Variants in NUP93 observed in about 807,000 individuals in gnomAD.
The protein encoded by NUP93 is nucleoporin 93.
In NUP93, 55 loss-of-function variants were observed where a neutral mutation model predicts 107.8. That is an observed-to-expected ratio of 0.51 (90% CI 0.41 to 0.64). NUP93 has a LOEUF of 0.64. Ranked by LOEUF, NUP93 falls within the 30% of genes least tolerant of loss-of-function variation. NUP93 has a pLI of 0.00. For synonymous variants in NUP93, 390 were observed against 397.5 expected (o/e 0.98, Z 0.22); for missense variants, 937 against 1,044.7 (o/e 0.90, Z 1.42).
chr16:56,734,884 C>T (rs1597098129), intron 1 of NUP93, among the ~76,000 whole-genome samples: 1 of 152,136 alleles, frequency 6.6e-6, no homozygotes, highest in South Asian at 2.1e-4. Flanking sequence ...CCTTCCTCCC[C>T]CTAACCCCTC....
At chr16:56,786,401 G>C (rs1434157618) in intron 3 of NUP93, among the ~76,000 whole-genome samples, 1 of 152,232 alleles carries the variant, frequency 6.6e-6, no homozygotes, top group Admixed American at 6.5e-5. Context: ...CTCCTAATCT[G>C]TGCTGCACTG....
At chr16:56,773,958 A>G (rs1214873327) in intron 3 of NUP93, among the ~76,000 whole-genome samples, 1 of 152,220 alleles carries the variant, frequency 6.6e-6, no homozygotes, top group African/African-American at 2.4e-5. Context: ...AATATAATAT[A>G]TGTTTAAAAC....
intron 21 of NUP93, 110 bp downstream of exon 21, chr16:56,841,943 A>G: frequency 7.6e-7 from 1 of 1,311,668 alleles, no homozygotes; most frequent in Non-Finnish European, 1.0e-6. Context: ...TCTCCTCAGT[A>G]CCTGGCAGCT....
intron 8 of NUP93, among the ~76,000 whole-genome samples, chr16:56,828,461 G>A (rs1963714576): frequency 6.6e-6 from 1 of 152,144 alleles, no homozygotes; most frequent in South Asian, 2.1e-4. Context: ...GGTATTTATG[G>A]ATAAAGTAGC....
chr16:56,762,923 G>A (rs1396359700), intron 3 of NUP93, among the ~76,000 whole-genome samples: 1 of 151,978 alleles, frequency 6.6e-6, no homozygotes, highest in Admixed American at 6.6e-5. Context: ...TGTCATATAA[G>A]GACACCAGTC....
chr16:56,810,724 C>T (rs946040036), intron 5 of NUP93, among the ~76,000 whole-genome samples: 9 of 151,400 alleles, frequency 5.9e-5, no homozygotes, highest in Non-Finnish European at 1.5e-5. Flanking sequence ...GGAAACAGAA[C>T]ATTACCAGCG....
intron 3 of NUP93, among the ~76,000 whole-genome samples, chr16:56,764,319 G>A (rs190162290): frequency 1.3e-5 from 2 of 151,960 alleles, no homozygotes; most frequent in Admixed American, 1.3e-4. Context: ...GGTGAAACCC[G>A]TCTCTACTAA....
At chr16:56,830,823 A>G (rs1463451606) in intron 10 of NUP93, 138 bp downstream of exon 10, 1 of 719,558 alleles carries the variant, frequency 1.4e-6, no homozygotes, top group Non-Finnish European at 2.1e-6. Context: ...TTGAAAGCAA[A>G]TAGAACTCTC....
At chr16:56,778,519 C>T (rs1041037160) in intron 3 of NUP93, among the ~76,000 whole-genome samples, 2 of 152,160 alleles carry the variant, frequency 1.3e-5, no homozygotes, top group South Asian at 4.1e-4. Flanking sequence ...TGTAGTAATA[C>T]AGCTTTGAGG....
At chr16:56,743,026 A>AG (rs1961764163) in intron 1 of NUP93, among the ~76,000 whole-genome samples, 1 of 152,244 alleles carries the variant, frequency 6.6e-6, no homozygotes. Flanking sequence ...AAAATCCTGA[A>AG]GGGGGCCACT....
intron 3 of NUP93, among the ~76,000 whole-genome samples, chr16:56,760,863 C>A (rs1481081590): frequency 6.6e-6 from 1 of 152,038 alleles, no homozygotes; most frequent in Non-Finnish European, 1.5e-5. Context: ...GCAGGAACAT[C>A]ACTTGAGTCC....
intron 19 of NUP93, 177 bp from the exon 20 acceptor site, chr16:56,839,344 G>A: frequency 2.3e-6 from 1 of 426,582 alleles, no homozygotes; most frequent in Non-Finnish European, 4.2e-6. Context: ...ATTGTGTCAG[G>A]AAATGATGAT....
At chr16:56,780,800 A>G (rs182481258) in intron 3 of NUP93, among the ~76,000 whole-genome samples, 123 of 152,264 alleles carry the variant, frequency 8.1e-4, no homozygotes, top group African/African-American at 2.8e-3. Flanking sequence ...ACAGATTGCA[A>G]TCTTAGGGTT....
At chr16:56,751,288 A>G (rs532650186) in intron 2 of NUP93, among the ~76,000 whole-genome samples, 2 of 152,220 alleles carry the variant, frequency 1.3e-5, no homozygotes, top group Non-Finnish European at 2.9e-5. Flanking sequence ...CATGCAAAGC[A>G]TATGTAAACA....
chr16:56,755,880 A>G (rs758307461), intron 2 of NUP93, among the ~76,000 whole-genome samples: 3 of 152,200 alleles, frequency 2.0e-5, no homozygotes, highest in East Asian at 3.8e-4. Flanking sequence ...CTCAAAATAA[A>G]TAAGTAAATA....
At chr16:56,791,955 A>G (rs1342806997) in intron 3 of NUP93, among the ~76,000 whole-genome samples, 5 of 152,242 alleles carry the variant, frequency 3.3e-5, no homozygotes, top group Non-Finnish European at 5.9e-5. Flanking sequence ...TTACATATAT[A>G]TAATTGAAAC....
At chr16:56,834,048 G>C in intron 13 of NUP93, 80 bp from the exon 14 acceptor site, 1 of 1,586,782 alleles carries the variant, frequency 6.3e-7, no homozygotes, top group Non-Finnish European at 8.6e-7. Context: ...TGGGTCTGTG[G>C]ATTCAGCTTC....
At chr16:56,734,796 C>T (rs540140459) in intron 1 of NUP93, among the ~76,000 whole-genome samples, 1 of 152,190 alleles carries the variant, frequency 6.6e-6, no homozygotes, top group Non-Finnish European at 1.5e-5. Flanking sequence ...ACCTGAGCAA[C>T]TTCTAGCATG....
chr16:56,771,371 C>G (rs1469689342), intron 3 of NUP93, among the ~76,000 whole-genome samples: 1 of 152,156 alleles, frequency 6.6e-6, no homozygotes, highest in Non-Finnish European at 1.5e-5. Flanking sequence ...CCAAATAATT[C>G]TTTATACCTT....
Sources: allele counts gnomAD v4.1 joint callset (sites outside exome capture counted in the v4.1 genomes callset), GRCh38; gene constraint gnomAD v4.1.1; transcripts MANE v1.5; gene names NCBI Gene and HGNC (gene_info 2026-07-23, HGNC 2026-07-21).